The following EIF4ENIF1 variants were observed in gnomAD, a reference collection of about 807,000 sequenced individuals.
EIF4ENIF1 encodes eukaryotic translation initiation factor 4E nuclear import factor 1, also known as eukaryotic translation initiation factor 4E transporter.
A neutral mutation model predicts 110.5 loss-of-function variants in EIF4ENIF1; 23 were observed. The ratio of observed to expected loss-of-function variants is 0.21; its 90% CI spans 0.15 to 0.29. The LOEUF (loss-of-function observed/expected upper bound fraction) is 0.29. EIF4ENIF1 is among the 10% of genes least tolerant of loss of function. The pLI is 1.00. For missense variants in EIF4ENIF1, 1,031 were observed against 1,221.1 expected (o/e 0.84, Z 2.32); for synonymous variants, 440 against 437.0 (o/e 1.01, Z -0.09).
chr22:31,459,237 G>T, intron 6 of EIF4ENIF1, among the ~76,000 whole-genome samples: 1 of 151,746 alleles, frequency 6.6e-6, no homozygotes, highest in East Asian at 1.9e-4. Context: ...ACCATGCCTA[G>T]TTCTTTTTCT....
At chr22:31,486,955 G>A (rs367872882) in intron 2 of EIF4ENIF1, among the ~76,000 whole-genome samples, 1 of 150,644 alleles carries the variant, frequency 6.6e-6, no homozygotes, top group Non-Finnish European at 1.5e-5. Flanking sequence ...GCATGTTGAC[G>A]CGTGCCTGTA....
In EIF4ENIF1 at chr22:31,450,351, C is replaced by G. The variant is rs1569072239; in HGVS notation, c.1522G>C (p.Glu508Gln). The G allele has an allele frequency of 6.2e-7, 1 of 1,613,218 alleles. No individual in the cohort carries two copies. Among genetic ancestry groups the G allele is most frequent in the Non-Finnish European group, 8.5e-7 (1 of 1,179,402 alleles). The change falls in exon 11 of 19, where the codon GAA becomes CAA. Residue 508 changes from glutamate to glutamine, a missense_variant. By Grantham distance (29) the Glu-to-Gln change is conservative (BLOSUM62 2). Coordinates refer to ENST00000330125, the MANE Select transcript of EIF4ENIF1 (RefSeq NM_019843.4). ...TCAGCAGGGGACATCAAATGGCTTT[C>G]AAGGTTTCGCTAAAAGAGTCAAAAG... ...PSQPKVSRNL[E>Q]SHLMSPAEIP...
chr22:31,453,371 T>C (rs1445718638), intron 10 of EIF4ENIF1: 1 of 408,142 alleles, frequency 2.5e-6, no homozygotes, highest in Non-Finnish European at 4.8e-6. Context: ...GACAAACCCA[T>C]CTTACTTTTT....
chr22:31,442,881 T>G (rs995165201), intron 16 of EIF4ENIF1, 81 bp downstream of exon 16: 2 of 1,556,626 alleles, frequency 1.3e-6, no homozygotes, highest in Admixed American at 3.8e-5. Flanking sequence ...TTGTATAGAA[T>G]ATCAGGCTGG....
intron 14 of EIF4ENIF1, 26 bp downstream of exon 14, chr22:31,447,397 TCTC>T: frequency 1.2e-6 from 2 of 1,604,958 alleles, no homozygotes; most frequent in Non-Finnish European, 1.7e-6. Flanking sequence ...TATCCGTAAA[TCTC>T]CACATGAGCA....
chr22:31,487,532 C>G (rs930066152), intron 2 of EIF4ENIF1, among the ~76,000 whole-genome samples: 1 of 152,178 alleles, frequency 6.6e-6, no homozygotes, highest in Non-Finnish European at 1.5e-5. Context: ...CACAGTGGCT[C>G]ACCCCTGTAA....
chr22:31,458,925 C>CTTTT (rs11337049), intron 6 of EIF4ENIF1, among the ~76,000 whole-genome samples: 4 of 107,262 alleles, frequency 3.7e-5, no homozygotes, highest in South Asian at 3.1e-4. Flanking sequence ...GGAGGGGGGT[C>CTTTT]TTTTTTTTTT....
chr22:31,480,012 TG>T (rs1403786992), intron 2 of EIF4ENIF1, among the ~76,000 whole-genome samples: 3 of 152,114 alleles, frequency 2.0e-5, no homozygotes, highest in African/African-American at 7.2e-5. Flanking sequence ...GTGCCTAGCC[TG>T]GAAAGTCTTA....
At chr22:31,438,928 G>C (rs2050214126), downstream of EIF4ENIF1, among the ~76,000 whole-genome samples, 1 of 152,046 alleles carries the variant, frequency 6.6e-6, no homozygotes, top group African/African-American at 2.4e-5. Flanking sequence ...CACCATCTTG[G>C]CTAGGATGGT....
In EIF4ENIF1 at chr22:31,464,713, TATATATATATATA is replaced by T. The variant is rs1569088837; in HGVS notation, c.299-759_299-747del. 5.2e-4 allele frequency among the ~76,000 whole-genome samples: 44 copies of T among 85,344 alleles called. 1 individual carries two copies. The highest frequency in any genetic ancestry group is 8.6e-4 in the Non-Finnish European group (36 of 41,716). The allele number at this position is 85,344 out of a possible 152,430, so 56.0% of individuals were successfully genotyped here. A position where few individuals can be genotyped will look rare whatever the true frequency, so the allele number is the denominator to read the frequency against. ...AAAAAAAAAAAAATATATATATATA[TATATATATATATA>T]AACAGATATATACAAAAATTAATTC... On this transcript the variant is annotated intron_variant, in intron 4 of 18. Transcript: ENST00000330125.
At chr22:31,447,325 T>A in intron 14 of EIF4ENIF1, 101 bp downstream of exon 14, 1 of 1,397,724 alleles carries the variant, frequency 7.2e-7, no homozygotes, top group Non-Finnish European at 9.9e-7. Flanking sequence ...ATACTGAACA[T>A]ACCACAGTAT....
upstream of EIF4ENIF1, among the ~76,000 whole-genome samples, chr22:31,492,323 T>G (rs2052292904): frequency 6.6e-6 from 1 of 152,230 alleles, no homozygotes; most frequent in African/African-American, 2.4e-5. Flanking sequence ...GCAAAGGAAC[T>G]TAGACTCCAC....
intron 2 of EIF4ENIF1, among the ~76,000 whole-genome samples, chr22:31,473,874 T>G (rs1429450215): frequency 6.6e-6 from 1 of 152,188 alleles, no homozygotes; most frequent in Non-Finnish European, 1.5e-5. Context: ...GTCTTCAGTT[T>G]TCCACTAAAG....
At position 31,488,630 on chromosome 22, in the gene EIF4ENIF1, T is replaced by C; in HGVS notation, c.89A>G (p.Tyr30Cys). Residue 30 changes from tyrosine to cysteine, a missense_variant, in exon 2 of 19, where the codon TAT (tyrosine) becomes TGT (cysteine). By Grantham distance (194) the Tyr-to-Cys change is radical. Around this residue, in one of 3 missense-constraint regions of EIF4ENIF1, gnomAD observed 704 missense variants for 879.7 expected, o/e 0.80. Transcript: ENST00000330125. ...KPPASKCPHR[Y>C]TKEELLDIKE... is the part of the protein sequence containing the mutation. ...ATTAGTGGCAAACCTTACTTTTGTA[T>C]AGCGATGGGGGCATTTGGAGGCAGG... 4 of 1,614,168 alleles carry C rather than the reference T, an allele frequency of 2.5e-6. No individual in the cohort carries two copies. The highest frequency in any genetic ancestry group is 3.4e-6 in the Non-Finnish European group (4 of 1,180,016).
chr22:31,474,783 AT>A (rs2051515668), intron 2 of EIF4ENIF1, among the ~76,000 whole-genome samples: 1 of 152,176 alleles, frequency 6.6e-6, no homozygotes, highest in Non-Finnish European at 1.5e-5. Flanking sequence ...ACTTTGAAAT[AT>A]TTTTTATAAT....
chr22:31,440,632 G>A (rs2050262105), intron 18 of EIF4ENIF1, 72 bp downstream of exon 18: 1 of 1,519,854 alleles, frequency 6.6e-7, no homozygotes, highest in Non-Finnish European at 8.9e-7. Flanking sequence ...CATCTCCACT[G>A]GAAACTAGTC....
chr22:31,442,691 CCTAA>C (rs1461626878), intron 16 of EIF4ENIF1, among the ~76,000 whole-genome samples: 3 of 152,274 alleles, frequency 2.0e-5, no homozygotes, highest in African/African-American at 4.8e-5. Context: ...AACTTTGAAG[CCTAA>C]CTAAGGATTC....
intron 2 of EIF4ENIF1, 57 bp from the exon 3 acceptor site, chr22:31,471,974 A>G: frequency 7.3e-7 from 1 of 1,361,706 alleles, no homozygotes; most frequent in South Asian, 1.3e-5. Flanking sequence ...CACACACTTT[A>G]AACTTCTGTT....
intron 4 of EIF4ENIF1, among the ~76,000 whole-genome samples, chr22:31,467,048 A>C (rs1468593197): frequency 6.6e-6 from 1 of 152,210 alleles, no homozygotes; most frequent in Non-Finnish European, 1.5e-5. Flanking sequence ...ATTATTTGCC[A>C]ATAAACACAT....
Sources: allele counts gnomAD v4.1 joint callset (sites outside exome capture counted in the v4.1 genomes callset), GRCh38; gene constraint gnomAD v4.1.1; regional missense constraint gnomAD v4.1.1; transcripts MANE v1.5; gene names NCBI Gene and HGNC (gene_info 2026-07-23, HGNC 2026-07-21).